The following SLC22A3 variants were observed in gnomAD, a reference collection of about 807,000 sequenced individuals.
SLC22A3 encodes the protein EMT organic cation transporter 3.
A neutral mutation model predicts 59.1 loss-of-function variants in SLC22A3; 51 were observed. That is an observed-to-expected ratio of 0.86 (90% confidence interval 0.69 to 1.09). The LOEUF is 1.09. Ranked by LOEUF, SLC22A3 falls within the 50% of genes least tolerant of loss-of-function variation. The pLI is 0.00. For missense variants in SLC22A3, 711 were observed against 726.3 expected (o/e 0.98, Z 0.24); for synonymous variants, 325 against 292.0 (o/e 1.11, Z -1.15).
chr6:160,365,851 A>C (rs1785185685), intron 1 of SLC22A3, among the ~76,000 whole-genome samples: 1 of 152,116 alleles, frequency 6.6e-6, no homozygotes, highest in Admixed American at 6.5e-5. Flanking sequence ...GTGGAAGGGG[A>C]GGTAAACACT....
At chr6:160,363,064 A>C (rs1039528089) in intron 1 of SLC22A3, among the ~76,000 whole-genome samples, 1 of 152,206 alleles carries the variant, frequency 6.6e-6, no homozygotes, top group Non-Finnish European at 1.5e-5. Flanking sequence ...TATTTCAGGC[A>C]GACGCGGGGC....
intron 1 of SLC22A3, among the ~76,000 whole-genome samples, chr6:160,375,327 GAC>G (rs1016316634): frequency 2.0e-5 from 3 of 152,188 alleles, no homozygotes; most frequent in African/African-American, 7.2e-5. Flanking sequence ...CCAAGATAAA[GAC>G]ATATAAACTG....
rs1169188132 is a variant in SLC22A3, at chr6:160,415,617, A to G, written c.975+4771A>G. Among the ~76,000 whole-genome samples, 1 of 152,162 alleles carries G rather than the reference A, an allele frequency of 6.6e-6. No individual in the cohort carries two copies. Among genetic ancestry groups the G allele is most frequent in the Non-Finnish European group, 1.5e-5 (1 of 68,028 alleles). On this transcript the variant is annotated intron_variant, in intron 5 of 10. Coordinates refer to ENST00000275300, the MANE Select transcript of SLC22A3 (RefSeq NM_021977.4). This position sits in a 1 kb window ranked among gnomAD's most constrained non-coding sequence, Gnocchi z 4.1. ...CTCTTCAGTAACTTCTGACTTTTAGAAGACGTTATCACTGTGTAAATGACC... is the reference window on the plus strand; with the variant it reads ...CTCTTCAGTAACTTCTGACTTTTAGGAGACGTTATCACTGTGTAAATGACC...
chr6:160,391,494 A>G (rs1786254380), intron 1 of SLC22A3, among the ~76,000 whole-genome samples: 4 of 152,170 alleles, frequency 2.6e-5, no homozygotes, highest in African/African-American at 9.7e-5. Context: ...CCAGTTCTTC[A>G]TCTTACAGAT....
chr6:160,376,080 A>G (rs1785579355), intron 1 of SLC22A3, among the ~76,000 whole-genome samples: 1 of 152,224 alleles, frequency 6.6e-6, no homozygotes, highest in Non-Finnish European at 1.5e-5. Context: ...ATTTTACAAT[A>G]GCAAAGACAT....
intron 5 of SLC22A3, among the ~76,000 whole-genome samples, chr6:160,436,251 T>C (rs919756279): frequency 6.6e-6 from 1 of 152,210 alleles, no homozygotes; most frequent in African/African-American, 2.4e-5. Context: ...GCAGTATTTG[T>C]TGAATTGAAT....
At chr6:160,405,144 A>C (rs951199155) in intron 2 of SLC22A3, among the ~76,000 whole-genome samples, 2 of 152,142 alleles carry the variant, frequency 1.3e-5, no homozygotes, top group African/African-American at 4.8e-5. Context: ...AAATATTAAC[A>C]AAAGGCAAAT....
rs1294691308 is a variant in SLC22A3 at position 160,408,824 on chromosome 6, A to G, written c.760A>G (p.Ile254Val). ...GATTCAAATGTTCTTTACCCTTGGA[A>G]TCATAATTCTCCCTGGAATTGCCTA... ...IVIQMFFTLG[I>V]IILPGIAYFI... Residue 254 changes from isoleucine (I) to valine (V), a missense_variant, in exon 4 of 11, where the codon ATC (isoleucine) becomes GTC (valine). Coordinates refer to ENST00000275300, the MANE Select transcript of SLC22A3 (RefSeq NM_021977.4). 1.2e-6 allele frequency: 2 copies of G among 1,613,666 alleles called. No homozygotes were observed. The highest frequency in any genetic ancestry group is 2.7e-5 in the African/African-American group (2 of 74,858).
rs1368965152 is a variant in SLC22A3 at position 160,415,426 on chromosome 6, A to T, written c.975+4580A>T. Reference sequence around the variant, plus strand: ...CAGTATAAATTACTCATATTTTGTGATTCAAATACATACTGTCCGTGTCTA... The same window carrying T: ...CAGTATAAATTACTCATATTTTGTGTTTCAAATACATACTGTCCGTGTCTA... On this transcript the variant is annotated intron_variant, in intron 5 of 10. Transcript: ENST00000275300. This position sits in a 1 kb window ranked among gnomAD's most constrained non-coding sequence, Gnocchi z 4.1. Among the ~76,000 whole-genome samples the T allele has an allele frequency of 6.6e-6, 1 of 152,206 alleles. No individual in the cohort carries two copies. Among genetic ancestry groups the T allele is most frequent in the Non-Finnish European group, 1.5e-5 (1 of 68,044 alleles).
At chr6:160,403,019 G>GA (rs1243251320) in intron 2 of SLC22A3, among the ~76,000 whole-genome samples, 32 of 147,702 alleles carry the variant, frequency 2.2e-4, no homozygotes, top group African/African-American at 5.5e-4. Context: ...GCAAGTAGAA[G>GA]AAAAAAAAAT....
intron 1 of SLC22A3, among the ~76,000 whole-genome samples, chr6:160,366,737 C>T (rs1374651112): frequency 6.6e-6 from 1 of 152,190 alleles, no homozygotes; most frequent in Non-Finnish European, 1.5e-5. Flanking sequence ...GGTTCTCGAA[C>T]CTCAATTCTT....
At chr6:160,419,823 A>G (rs1004456643) in intron 5 of SLC22A3, among the ~76,000 whole-genome samples, 2 of 152,230 alleles carry the variant, frequency 1.3e-5, no homozygotes, top group African/African-American at 2.4e-5. Flanking sequence ...ATGTCAGGAC[A>G]CTGGACATAC....
intron 1 of SLC22A3, among the ~76,000 whole-genome samples, chr6:160,355,367 C>A (rs532333462): frequency 6.6e-6 from 1 of 152,172 alleles, no homozygotes; most frequent in Non-Finnish European, 1.5e-5. Context: ...TCTTAGCCCC[C>A]GGGGCTCCCA....
chr6:160,355,561 A>T (rs552302365), intron 1 of SLC22A3, among the ~76,000 whole-genome samples: 38 of 151,570 alleles, frequency 2.5e-4, no homozygotes, highest in African/African-American at 8.7e-4. Context: ...GGAGATCGAG[A>T]CCATCCTGGC....
At chr6:160,349,147 A>G (rs1784577611) in intron 1 of SLC22A3, 2 of 859,620 alleles carry the variant, frequency 2.3e-6, no homozygotes, top group South Asian at 5.3e-5. Flanking sequence ...ACGCCTGCTC[A>G]GGAGTCAAAG....
intron 10 of SLC22A3, among the ~76,000 whole-genome samples, chr6:160,450,376 T>G (rs1788905281): frequency 6.6e-6 from 1 of 152,198 alleles, no homozygotes; most frequent in South Asian, 2.1e-4. Context: ...TTCTGCCCGA[T>G]CCCACAAGCA....
intron 1 of SLC22A3, among the ~76,000 whole-genome samples, chr6:160,370,928 A>G (rs980286561): frequency 2.7e-5 from 4 of 150,122 alleles, no homozygotes; most frequent in Non-Finnish European, 5.9e-5. Flanking sequence ...TCCAAATACA[A>G]TCAGTTATTC....
At chr6:160,410,231 G>A (rs919176782) in intron 4 of SLC22A3, among the ~76,000 whole-genome samples, 1 of 151,968 alleles carries the variant, frequency 6.6e-6, no homozygotes, top group Non-Finnish European at 1.5e-5. Flanking sequence ...TGGCCAAGCT[G>A]GTTGCAAACT....
intron 2 of SLC22A3, among the ~76,000 whole-genome samples, chr6:160,403,309 A>G (rs1312754271): frequency 6.6e-6 from 1 of 151,904 alleles, no homozygotes; most frequent in Non-Finnish European, 1.5e-5. Context: ...GAAATGGACC[A>G]ATTCCTTGAA....
Sources: allele counts gnomAD v4.1 joint callset (sites outside exome capture counted in the v4.1 genomes callset), GRCh38; gene constraint gnomAD v4.1.1; non-coding constraint Gnocchi (gnomAD v3.1); transcripts MANE v1.5; gene names NCBI Gene and HGNC (gene_info 2026-07-23, HGNC 2026-07-21).